P2RY8: variants seen among roughly 807,000 people sequenced by gnomAD.
P2RY8 encodes the protein P2Y receptor family member 8.
P2RY8 carries 6 observed loss-of-function variants against 10.0 expected under a neutral mutation model. The ratio of observed to expected loss-of-function variants is 0.60; its 90% CI spans 0.33 to 1.19. P2RY8 has a LOEUF of 1.19. P2RY8 is among the 50% of genes most tolerant of loss of function. P2RY8 has a pLI of 0.04. For synonymous variants in P2RY8, 276 were observed against 252.5 expected (o/e 1.09, Z -0.88); for missense variants, 456 against 542.0 (o/e 0.84, Z 1.58).
rs1484574277 is a variant in P2RY8 at position 1,465,467 on chromosome X, C to T, written c.*12G>A. ...GCTGCGCCCCCGGCTCTCCAAGCTG[C>T]GCCCCCGGGACTCAGAACACACTCT... On this transcript the variant is annotated 3_prime_UTR_variant, in exon 2 of 2. Transcript: ENST00000381297. 3 of 1,585,218 alleles carry T rather than the reference C, an allele frequency of 1.9e-6. No individual in the cohort carries two copies. The highest frequency in any genetic ancestry group is 2.3e-5 in the South Asian group (2 of 88,120).
At chrX:1,499,163 CTTTTTTT>C (rs1163119480) in intron 1 of P2RY8, among the ~76,000 whole-genome samples, 83 of 48,436 alleles carry the variant, frequency 1.7e-3, no homozygotes, top group African/African-American at 3.2e-3. Flanking sequence ...TTTTTCTTTT[CTTTTTTT>C]TTTTTTTTTT....
rs140094192 is a variant in P2RY8, at chrX:1,497,683, C to G, written c.-24-31101G>C. Among the ~76,000 whole-genome samples the G allele has an allele frequency of 7.5e-3, 1,122 of 150,348 alleles. 8 individuals carry two copies. The highest frequency in any genetic ancestry group is 0.025 in the African/African-American group (1,019 of 40,284). ...AATAAATAAATAAATAAATAGTATG[C>G]TGACAAGCAAATATGGCCTTTTCTG... is the stretch of plus-strand genomic sequence containing the variant. On this transcript the variant is annotated intron_variant, in intron 1 of 1. Coordinates refer to ENST00000381297, the MANE Select transcript of P2RY8 (RefSeq NM_178129.5).
chrX:1,512,760 C>G (rs866622691), intron 1 of P2RY8, among the ~76,000 whole-genome samples: 4 of 152,038 alleles, frequency 2.6e-5, no homozygotes, highest in Non-Finnish European at 5.9e-5. Flanking sequence ...CTTATTTACT[C>G]TCACAGGAAC....
At chrX:1,521,482 C>A (rs1227590560) in intron 1 of P2RY8, among the ~76,000 whole-genome samples, 5 of 152,190 alleles carry the variant, frequency 3.3e-5, no homozygotes, top group African/African-American at 1.2e-4. Flanking sequence ...CCAGTATGGA[C>A]AAACCCTAAG....
intron 1 of P2RY8, among the ~76,000 whole-genome samples, chrX:1,497,248 G>GA (rs1569537578): frequency 7.4e-6 from 1 of 135,362 alleles, no homozygotes; most frequent in Non-Finnish European, 1.6e-5. Context: ...AAAAGAAAAA[G>GA]AAAAAAAAGA....
At chrX:1,528,296 T>A (rs762183121) in intron 1 of P2RY8, among the ~76,000 whole-genome samples, 49 of 152,310 alleles carry the variant, frequency 3.2e-4, no homozygotes, top group Non-Finnish European at 6.5e-4. Context: ...GTCTGCAACA[T>A]GCCCATTTCA....
chrX:1,524,837 C>T (rs868384569), intron 1 of P2RY8, among the ~76,000 whole-genome samples: 9 of 107,080 alleles, frequency 8.4e-5, no homozygotes, highest in Non-Finnish European at 9.1e-5. Context: ...ATCCATCCAT[C>T]CATCCATCCA....
intron 1 of P2RY8, chrX:1,494,377 G>C (rs2092097043): frequency 6.6e-6 from 1 of 152,254 alleles, no homozygotes. Flanking sequence ...GTCATCTGCA[G>C]ACTGAGCTTG....
At chrX:1,499,920 G>A (rs1468145687) in intron 1 of P2RY8, among the ~76,000 whole-genome samples, 20 of 150,098 alleles carry the variant, frequency 1.3e-4, no homozygotes, top group Non-Finnish European at 3.0e-4. Context: ...GTGCAGTGGT[G>A]TGATCTCAGC....
At chrX:1,476,380 T>A (rs777764509) in intron 1 of P2RY8, among the ~76,000 whole-genome samples, 106 of 151,254 alleles carry the variant, frequency 7.0e-4, no homozygotes, top group Non-Finnish European at 1.0e-3. Context: ...ATGGAGACCA[T>A]CCTGGCTAAC....
chrX:1,520,967 C>T (rs1447287941), intron 1 of P2RY8, among the ~76,000 whole-genome samples: 1 of 150,622 alleles, frequency 6.6e-6, no homozygotes, highest in Non-Finnish European at 1.5e-5. Context: ...ACCTCTTTGG[C>T]CCCCAATCAT....
At chrX:1,491,425 C>T (rs1461876471) in intron 1 of P2RY8, among the ~76,000 whole-genome samples, 1 of 152,224 alleles carries the variant, frequency 6.6e-6, no homozygotes, top group African/African-American at 2.4e-5. Context: ...GAATGAGTAG[C>T]ACACAGGACT....
intron 1 of P2RY8, among the ~76,000 whole-genome samples, chrX:1,528,884 G>A (rs2092456587): frequency 6.6e-6 from 1 of 152,178 alleles, no homozygotes; most frequent in Non-Finnish European, 1.5e-5. Context: ...CTCTTTGAAT[G>A]AGTTGGATTT....
At chrX:1,472,321 A>C (rs1251639663) in intron 1 of P2RY8, among the ~76,000 whole-genome samples, 12 of 151,682 alleles carry the variant, frequency 7.9e-5, no homozygotes, top group Non-Finnish European at 1.5e-4. Flanking sequence ...TGGAAAGATG[A>C]AGACAGAGAC....
intron 1 of P2RY8, among the ~76,000 whole-genome samples, chrX:1,526,364 A>G (rs2092440226): frequency 6.6e-6 from 1 of 151,710 alleles, no homozygotes; most frequent in African/African-American, 2.4e-5. Context: ...TCAGTCATCC[A>G]TCCATTTATC....
rs1256984873 is a variant in P2RY8, at chrX:1,466,067, G to A, written c.492C>T (p.Thr164=). The change falls in exon 2 of 2, where the codon ACC becomes ACT. Residue 164 remains threonine (T), a synonymous_variant. Coordinates refer to ENST00000381297, the MANE Select transcript of P2RY8 (RefSeq NM_178129.5). ...TGATGCCCAGGGCGTGCACCGGGTA[G>A]GTGAGATCGGTGCGCGCCAGCGGGG... ...ALSPLARTDL[T]YPVHALGIIT... is the part of the protein sequence containing the mutation. 6 of 1,611,774 alleles carry A rather than the reference G, an allele frequency of 3.7e-6. No homozygotes were observed. Among genetic ancestry groups the A allele is most frequent in the Non-Finnish European group, 5.1e-6 (6 of 1,179,758 alleles).
At chrX:1,497,423 C>T (rs1288390938) in intron 1 of P2RY8, among the ~76,000 whole-genome samples, 3 of 150,984 alleles carry the variant, frequency 2.0e-5, no homozygotes, top group African/African-American at 7.3e-5. Flanking sequence ...TTTGGGAGGC[C>T]GAGGTGGGCA....
chrX:1,467,934 C>G (rs1210277751), intron 1 of P2RY8, among the ~76,000 whole-genome samples: 15 of 151,698 alleles, frequency 9.9e-5, no homozygotes, highest in Admixed American at 9.8e-4. Context: ...CTGCCTCAGC[C>G]TCCTGAGTAG....
At chrX:1,490,815 C>A (rs1326645711) in intron 1 of P2RY8, among the ~76,000 whole-genome samples, 1 of 144,396 alleles carries the variant, frequency 6.9e-6, no homozygotes. Flanking sequence ...CCAGATATTC[C>A]CTGCAAATGT....
Sources: gnomAD v4.1 joint callset for allele counts (sites outside exome capture counted in the v4.1 genomes callset) on GRCh38, gnomAD v4.1.1 for gene constraint, MANE v1.5 for transcripts, NCBI Gene and HGNC (gene_info 2026-07-23, HGNC 2026-07-21) for gene names.